The following GABBR2 variants were observed in gnomAD, a reference collection of about 807,000 sequenced individuals.
The protein encoded by GABBR2 is G-protein coupled receptor 51.
GABBR2 carries 23 observed loss-of-function variants against 105.6 expected under a neutral mutation model. The ratio of observed to expected loss-of-function variants is 0.22; its 90% CI spans 0.16 to 0.31. The LOEUF is 0.31. Ranked by LOEUF, GABBR2 falls within the 10% of genes least tolerant of loss-of-function variation. GABBR2 has a pLI of 1.00. For missense variants in GABBR2, 734 were observed against 1,245.5 expected (o/e 0.59, Z 6.18); for synonymous variants, 478 against 499.7 (o/e 0.96, Z 0.58).
intron 13 of GABBR2, among the ~76,000 whole-genome samples, chr9:98,348,200 C>T (rs1200651784): frequency 2.0e-5 from 3 of 152,108 alleles, no homozygotes; most frequent in South Asian, 2.1e-4. Context: ...GTGTCCTTTC[C>T]CCAGTATATG....
At chr9:98,324,549 T>G (rs1241732136) in intron 13 of GABBR2, among the ~76,000 whole-genome samples, 1 of 146,594 alleles carries the variant, frequency 6.8e-6, no homozygotes, top group Non-Finnish European at 1.5e-5. Flanking sequence ...CACAGAGTAG[T>G]GCATTCCAGA....
intron 16 of GABBR2, 99 bp from the exon 17 acceptor site, chr9:98,299,452 T>G (rs765483935): frequency 1.8e-4 from 243 of 1,317,062 alleles, no homozygotes; most frequent in Admixed American, 2.7e-4. Flanking sequence ...GGCCTTTACC[T>G]GTATTCAGGA....
At chr9:98,451,716 G>A (rs1826233127) in intron 7 of GABBR2, among the ~76,000 whole-genome samples, 1 of 152,158 alleles carries the variant, frequency 6.6e-6, no homozygotes, top group Non-Finnish European at 1.5e-5. Flanking sequence ...TGGTTGGTCT[G>A]GAAGATAAAG....
intron 1 of GABBR2, among the ~76,000 whole-genome samples, chr9:98,699,680 A>T (rs1830803313): frequency 6.6e-6 from 1 of 152,152 alleles, no homozygotes; most frequent in South Asian, 2.1e-4. Context: ...TTAGTGCTGC[A>T]ATTCACAGAG....
chr9:98,399,029 C>T (rs1044924668), intron 8 of GABBR2, among the ~76,000 whole-genome samples: 1 of 152,036 alleles, frequency 6.6e-6, no homozygotes, highest in African/African-American at 2.4e-5. Context: ...CACTTTTTCT[C>T]TTCTTCTTGG....
intron 13 of GABBR2, among the ~76,000 whole-genome samples, chr9:98,354,426 T>C (rs185935277): frequency 3.3e-5 from 5 of 152,380 alleles, no homozygotes; most frequent in Admixed American, 6.5e-5. Flanking sequence ...AAGACCTAGA[T>C]GGCATCTTCT....
intron 13 of GABBR2, among the ~76,000 whole-genome samples, chr9:98,312,209 CTG>C (rs1830646613): frequency 1.3e-5 from 2 of 152,200 alleles, no homozygotes; most frequent in African/African-American, 2.4e-5. Flanking sequence ...TTTAAAGCAA[CTG>C]TGGATTTTCC....
intron 7 of GABBR2, among the ~76,000 whole-genome samples, chr9:98,433,067 G>C (rs552696243): frequency 6.6e-5 from 10 of 152,314 alleles, no homozygotes; most frequent in African/African-American, 1.7e-4. Context: ...CTGTCCAGCA[G>C]CTAAGGTCAT....
chr9:98,708,880 T>A lies in GABBR2; in HGVS notation c.-143A>T, dbSNP rs2131893471. ...CTCCGTCTCGGGCTAGGGTTCCGGC[T>A]CGGCTCAGAACGGCCGCGGCGGCGG... is the stretch of plus-strand genomic sequence containing the variant. On this transcript the variant is annotated 5_prime_UTR_variant, in exon 1 of 19. Transcript: ENST00000259455. 1 of 373,288 alleles carries A rather than the reference T, an allele frequency of 2.7e-6. No individual in the cohort carries two copies. 23.1% of individuals were successfully genotyped at this position (373,288 alleles called of 1,614,324 possible).
At chr9:98,476,581 A>G (rs1826798710) in intron 5 of GABBR2, among the ~76,000 whole-genome samples, 1 of 152,234 alleles carries the variant, frequency 6.6e-6, no homozygotes, top group Non-Finnish European at 1.5e-5. Context: ...CACTATGTTC[A>G]GAAACATTTT....
chr9:98,603,601 T>C (rs1829373385), intron 1 of GABBR2, among the ~76,000 whole-genome samples: 1 of 152,120 alleles, frequency 6.6e-6, no homozygotes, highest in East Asian at 1.9e-4. Flanking sequence ...GATTTTTGCC[T>C]CCCACCCTGG....
chr9:98,538,231 C>T (rs532808594), intron 3 of GABBR2, among the ~76,000 whole-genome samples: 1 of 152,316 alleles, frequency 6.6e-6, no homozygotes, highest in African/African-American at 2.4e-5. Context: ...CTCTATGAGG[C>T]CTAGGATCTC....
At chr9:98,432,245 G>A (rs1825825491) in intron 7 of GABBR2, among the ~76,000 whole-genome samples, 1 of 152,176 alleles carries the variant, frequency 6.6e-6, no homozygotes, top group Non-Finnish European at 1.5e-5. Flanking sequence ...TATTTAGGAA[G>A]GCTAATATGG....
intron 1 of GABBR2, among the ~76,000 whole-genome samples, chr9:98,670,417 T>A (rs969529865): frequency 2.6e-5 from 4 of 152,192 alleles, no homozygotes; most frequent in African/African-American, 9.7e-5. Flanking sequence ...ACAGATGCTA[T>A]GGAAAACAAT....
chr9:98,664,517 A>G (rs1168637320), intron 1 of GABBR2, among the ~76,000 whole-genome samples: 2 of 152,182 alleles, frequency 1.3e-5, no homozygotes, highest in Non-Finnish European at 2.9e-5. Context: ...AAAAATCAGA[A>G]GCTGTTTGCA....
At chr9:98,434,453 G>T (rs1270539309) in intron 7 of GABBR2, among the ~76,000 whole-genome samples, 2 of 152,206 alleles carry the variant, frequency 1.3e-5, no homozygotes, top group Non-Finnish European at 2.9e-5. Context: ...CAACAACAGG[G>T]TCTCTGAAGG....
chr9:98,634,505 G>A (rs532998130), intron 1 of GABBR2, among the ~76,000 whole-genome samples: 3 of 152,266 alleles, frequency 2.0e-5, no homozygotes, highest in African/African-American at 7.2e-5. Flanking sequence ...GAAGAAGGCC[G>A]CTTGAGGACC....
At chr9:98,571,028 G>A (rs1828822356) in intron 2 of GABBR2, among the ~76,000 whole-genome samples, 1 of 152,222 alleles carries the variant, frequency 6.6e-6, no homozygotes, top group Admixed American at 6.5e-5. Context: ...CAGGGTGAAT[G>A]AGACACAATT....
rs1275959947 is a variant in GABBR2, at chr9:98,388,749, G to A, written c.1529+105C>T. 6.5e-6 allele frequency: 6 copies of A among 917,884 alleles called. No homozygotes were observed. In the East Asian group the frequency reaches 1.5e-4, roughly 23 times the overall value. 56.9% of individuals were successfully genotyped at this position (917,884 alleles called of 1,614,324 possible). On this transcript the variant is annotated intron_variant, in intron 10 of 18. Transcript: ENST00000259455. The surrounding 1 kb of genome is among the most constrained non-coding windows in gnomAD (Gnocchi z 4.4). ...ACACTTTGGGAAACTCTGCCCTGCAGACTTCTGTGTCCCTGGGGAATCTGT... is the reference window on the plus strand; with the variant it reads ...ACACTTTGGGAAACTCTGCCCTGCAAACTTCTGTGTCCCTGGGGAATCTGT...
Sources: gnomAD v4.1 joint callset for allele counts (sites outside exome capture counted in the v4.1 genomes callset) on GRCh38, gnomAD v4.1.1 for gene constraint, Gnocchi (gnomAD v3.1) non-coding constraint, MANE v1.5 for transcripts, NCBI Gene and HGNC (gene_info 2026-07-23, HGNC 2026-07-21) for gene names.